The following METTL9 variants were observed in gnomAD, a reference collection of about 807,000 sequenced individuals.
METTL9 encodes the protein protein-L-histidine N-pros-methyltransferase.
A neutral mutation model predicts 36.0 loss-of-function variants in METTL9; 10 were observed. The observed-to-expected ratio is 0.28, with a 90% CI of 0.17 to 0.47. The LOEUF is 0.47. METTL9 is among the 20% of genes least tolerant of loss of function. The probability of loss-of-function intolerance (pLI) is 0.99; values close to 1 mark genes in which losing one functional copy is unlikely to be tolerated. For synonymous variants in METTL9, 175 were observed against 149.7 expected (o/e 1.17, Z -1.23); for missense variants, 246 against 383.5 (o/e 0.64, Z 3.00).
In METTL9 at chr16:21,599,632, T is replaced by C. The variant is rs939621520; in HGVS notation, c.-102T>C. ...GGCTGGATGGGCAAGGCGGCCGCGA[T>C]GGCTCGAGCTCGGGCGGTGGCGGCG... is the stretch of plus-strand genomic sequence containing the variant. On this transcript the variant is annotated 5_prime_UTR_variant, in exon 1 of 5. The change abolishes an upstream ATG in the 5' untranslated region. Coordinates refer to ENST00000358154, the MANE Select transcript of METTL9 (RefSeq NM_016025.5). This position sits in a 1 kb window ranked among gnomAD's most constrained non-coding sequence, Gnocchi z 4.4. The C allele has an allele frequency of 7.5e-6, 10 of 1,335,052 alleles. No individual in the cohort carries two copies. Among genetic ancestry groups the C allele is most frequent in the South Asian group, 3.8e-5 (2 of 52,258 alleles). The allele number at this position is 1,335,052 out of a possible 1,614,324, so 82.7% of individuals were successfully genotyped here.
At position 21,655,870 on chromosome 16, in the gene METTL9, A is replaced by G. The variant is rs117261347; in HGVS notation, c.*438A>G. ...TAGCCACTGATATTCTTTCATGTTTAGAAATTCTTTCTGTTATTATTCAAG... is the reference window on the plus strand; with the variant it reads ...TAGCCACTGATATTCTTTCATGTTTGGAAATTCTTTCTGTTATTATTCAAG... On this transcript the variant is annotated 3_prime_UTR_variant, in exon 5 of 5. Coordinates refer to ENST00000358154, the MANE Select transcript of METTL9 (RefSeq NM_016025.5). 857 of 155,638 alleles carry G rather than the reference A, an allele frequency of 5.5e-3. 4 individuals carry two copies. The highest frequency in any genetic ancestry group is 8.7e-3 in the Non-Finnish European group (610 of 70,316). The allele number at this position is 155,638 out of a possible 1,614,324, so 9.6% of individuals were successfully genotyped here.
intron 4 of METTL9, among the ~76,000 whole-genome samples, chr16:21,631,243 G>A (rs577440088): frequency 7.2e-5 from 11 of 152,246 alleles, no homozygotes; most frequent in African/African-American, 2.4e-4. Flanking sequence ...CTGTGCTGAC[G>A]GACTTGAGCT....
intron 1 of METTL9, among the ~76,000 whole-genome samples, chr16:21,604,850 G>C (rs1307600484): frequency 6.6e-6 from 1 of 152,098 alleles, no homozygotes; most frequent in African/African-American, 2.4e-5. Context: ...TTGGGTCTTT[G>C]ATTACCCATT....
chr16:21,637,107 A>T (rs954722863), intron 4 of METTL9, among the ~76,000 whole-genome samples: 3 of 152,126 alleles, frequency 2.0e-5, no homozygotes, highest in African/African-American at 7.2e-5. Flanking sequence ...CTTCCACAGT[A>T]TGGAAGGGGA....
intron 4 of METTL9, chr16:21,644,542 A>C: frequency 1.7e-6 from 1 of 592,686 alleles, no homozygotes; most frequent in Non-Finnish European, 3.0e-6. Flanking sequence ...AGACCTCAAA[A>C]GGTACTCAAG....
chr16:21,649,539 G>A (rs566690567), intron 4 of METTL9, among the ~76,000 whole-genome samples: 3 of 152,222 alleles, frequency 2.0e-5, no homozygotes, highest in East Asian at 3.9e-4. Flanking sequence ...CACCTTACAA[G>A]TACAGTGAAA....
At chr16:21,650,508 CAAAAA>C (rs3046229) in intron 4 of METTL9, among the ~76,000 whole-genome samples, 4 of 89,986 alleles carry the variant, frequency 4.4e-5, no homozygotes, top group African/African-American at 9.3e-5. Flanking sequence ...ACTCTTGTCT[CAAAAA>C]AAAAAAAAAA....
chr16:21,602,675 T>G (rs1193063070), intron 1 of METTL9, among the ~76,000 whole-genome samples: 5 of 151,846 alleles, frequency 3.3e-5, no homozygotes, highest in Non-Finnish European at 4.4e-5. Flanking sequence ...GTTTTTTTTT[T>G]GAGATGGAGT....
At chr16:21,632,966 G>A (rs1485075696) in intron 4 of METTL9, among the ~76,000 whole-genome samples, 3 of 152,094 alleles carry the variant, frequency 2.0e-5, no homozygotes, top group Non-Finnish European at 4.4e-5. Flanking sequence ...CTGCTTTAAG[G>A]TTTTGAAGGC....
At chr16:21,602,273 T>C (rs777952026) in intron 1 of METTL9, among the ~76,000 whole-genome samples, 2 of 152,210 alleles carry the variant, frequency 1.3e-5, no homozygotes, top group Non-Finnish European at 2.9e-5. Flanking sequence ...GGAATTATGA[T>C]GGAGGATTCT....
intron 4 of METTL9, among the ~76,000 whole-genome samples, chr16:21,646,057 C>T (rs957624441): frequency 6.6e-6 from 1 of 152,116 alleles, no homozygotes; most frequent in African/African-American, 2.4e-5. Context: ...CTCATCATAC[C>T]AGGGTCCTTC....
At chr16:21,636,605 T>TGTTGGGTTG (rs1966100512) in intron 4 of METTL9, among the ~76,000 whole-genome samples, 1 of 152,146 alleles carries the variant, frequency 6.6e-6, no homozygotes, top group African/African-American at 2.4e-5. Flanking sequence ...ACCAACTTCT[T>TGTTGGGTTG]GTTGGGACCC....
intron 4 of METTL9, among the ~76,000 whole-genome samples, chr16:21,631,855 G>GAC (rs1180281923): frequency 6.6e-6 from 1 of 152,100 alleles, no homozygotes; most frequent in African/African-American, 2.4e-5. Flanking sequence ...ACTTTACCCT[G>GAC]GCTTTTAAAG....
chr16:21,599,532 G>A, upstream of METTL9: 1 of 1,268,116 alleles, frequency 7.9e-7, no homozygotes, highest in Non-Finnish European at 9.9e-7. The surrounding 1 kb of genome is among the most constrained non-coding windows in gnomAD (Gnocchi z 4.4). Context: ...GCGTTCCGCG[G>A]CCGGAAGGGA....
intron 1 of METTL9, among the ~76,000 whole-genome samples, chr16:21,611,139 G>A (rs1396547368): frequency 6.6e-6 from 1 of 152,178 alleles, no homozygotes; most frequent in Non-Finnish European, 1.5e-5. Context: ...AGTCCAAGCA[G>A]TTTTGATAAC....
chr16:21,599,655 G>C lies in METTL9; in HGVS notation c.-79G>C. 5 of 1,349,560 alleles carry C rather than the reference G, an allele frequency of 3.7e-6. No individual in the cohort carries two copies. In the South Asian group the frequency reaches 9.1e-5, roughly 25 times the overall value. The allele number at this position is 1,349,560 out of a possible 1,614,324, so 83.6% of individuals were successfully genotyped here. ...GATGGCTCGAGCTCGGGCGGTGGCG[G>C]CGGTGGCCGGAGGCGGCGGTGCCTC... On this transcript the variant is annotated 5_prime_UTR_variant, in exon 1 of 5. Coordinates refer to ENST00000358154, the MANE Select transcript of METTL9 (RefSeq NM_016025.5). The surrounding 1 kb of genome is among the most constrained non-coding windows in gnomAD (Gnocchi z 4.4).
chr16:21,632,247 T>G (rs1965981152), intron 4 of METTL9, among the ~76,000 whole-genome samples: 1 of 152,262 alleles, frequency 6.6e-6, no homozygotes, highest in Non-Finnish European at 1.5e-5. Flanking sequence ...TAGGATTACA[T>G]AAGCATACTT....
chr16:21,606,086 C>T (rs895610695), intron 1 of METTL9, among the ~76,000 whole-genome samples: 2 of 152,074 alleles, frequency 1.3e-5, no homozygotes, highest in African/African-American at 2.4e-5. Context: ...CCTGTAATCC[C>T]GGCACTATGG....
chr16:21,638,732 G>T (rs927305911), intron 4 of METTL9, among the ~76,000 whole-genome samples: 2 of 152,190 alleles, frequency 1.3e-5, no homozygotes, highest in African/African-American at 4.8e-5. Context: ...TCATGTTGAG[G>T]TGAGCTGTGT....
Sources: gnomAD v4.1 joint callset for allele counts (sites outside exome capture counted in the v4.1 genomes callset) on GRCh38, gnomAD v4.1.1 for gene constraint, Gnocchi (gnomAD v3.1) non-coding constraint, MANE v1.5 for transcripts, NCBI Gene and HGNC (gene_info 2026-07-23, HGNC 2026-07-21) for gene names.